The following TMEM117 variants were observed in gnomAD, a reference collection of about 807,000 sequenced individuals.
TMEM117 encodes the protein transmembrane protein 117.
In TMEM117, 27 loss-of-function variants were observed where a neutral mutation model predicts 52.4. The observed-to-expected ratio is 0.51, with a 90% CI of 0.38 to 0.71. The LOEUF (loss-of-function observed/expected upper bound fraction) is 0.71, where lower values mean the gene tolerates loss of function less well. Ranked by LOEUF, TMEM117 falls within the 30% of genes least tolerant of loss-of-function variation. TMEM117 has a pLI of 0.00. For missense variants in TMEM117, 556 were observed against 630.5 expected (o/e 0.88, Z 1.26); for synonymous variants, 215 against 206.3 (o/e 1.04, Z -0.36).
At chr12:44,036,057 G>A (rs371781997) in intron 3 of TMEM117, among the ~76,000 whole-genome samples, 5 of 151,938 alleles carry the variant, frequency 3.3e-5, no homozygotes, top group Admixed American at 1.3e-4. Flanking sequence ...ACAGTTTTGG[G>A]GCACTAATAA....
At chr12:43,800,899 C>T in the TMEM117 span, among the ~76,000 whole-genome samples, 1 of 151,956 alleles carries the variant, frequency 6.6e-6, no homozygotes, top group Non-Finnish European at 1.5e-5. Flanking sequence ...TATAGGTGTG[C>T]GCCACCACAC....
At chr12:44,264,532 A>T (rs1379930030) in intron 5 of TMEM117, among the ~76,000 whole-genome samples, 1 of 152,152 alleles carries the variant, frequency 6.6e-6, no homozygotes, top group Non-Finnish European at 1.5e-5. Flanking sequence ...AAGAATGTTG[A>T]TGGGAAGCTC....
the TMEM117 span, among the ~76,000 whole-genome samples, chr12:43,830,610 C>CA: frequency 8.7e-3 from 826 of 94,590 alleles, 9 homozygotes; most frequent in Admixed American, 0.018. Context: ...ACACTTGTCT[C>CA]AAAAAAAAAA....
At chr12:44,234,098 C>T (rs1174992166) in intron 5 of TMEM117, among the ~76,000 whole-genome samples, 3 of 151,334 alleles carry the variant, frequency 2.0e-5, no homozygotes, top group South Asian at 2.1e-4. Context: ...GTCTCTATCC[C>T]GATTATGCTG....
At chr12:44,274,683 G>C (rs1950490634) in intron 5 of TMEM117, among the ~76,000 whole-genome samples, 1 of 152,024 alleles carries the variant, frequency 6.6e-6, no homozygotes, top group African/African-American at 2.4e-5. Flanking sequence ...TAACAGACGT[G>C]CCAGGAACAT....
chr12:44,272,107 A>T (rs1950453870), intron 5 of TMEM117, among the ~76,000 whole-genome samples: 1 of 152,134 alleles, frequency 6.6e-6, no homozygotes, highest in Admixed American at 6.6e-5. Flanking sequence ...TGTAGAAAAA[A>T]GTGGAACCTT....
intron 3 of TMEM117, among the ~76,000 whole-genome samples, chr12:44,072,011 A>T (rs767782540): frequency 5.3e-5 from 8 of 152,232 alleles, no homozygotes; most frequent in Non-Finnish European, 1.0e-4. Flanking sequence ...ATTGAAATTT[A>T]ATAGCCAGAA....
chr12:44,366,488 C>A (rs916929879), intron 6 of TMEM117, among the ~76,000 whole-genome samples: 7 of 152,020 alleles, frequency 4.6e-5, no homozygotes, highest in Non-Finnish European at 8.8e-5. Context: ...GTATTTTATT[C>A]TTTCCTTCCC....
intron 5 of TMEM117, among the ~76,000 whole-genome samples, chr12:44,284,653 G>A (rs753726611): frequency 6.6e-6 from 1 of 152,180 alleles, no homozygotes; most frequent in Admixed American, 6.5e-5. Flanking sequence ...TAGCATCTCA[G>A]CTTGGTGGAT....
intron 5 of TMEM117, among the ~76,000 whole-genome samples, chr12:44,212,532 T>G (rs1949660378): frequency 6.6e-6 from 1 of 152,094 alleles, no homozygotes; most frequent in Non-Finnish European, 1.5e-5. Flanking sequence ...GAGGTTAACA[T>G]ATCGTATGCT....
At chr12:44,260,095 G>A (rs537600449) in intron 5 of TMEM117, among the ~76,000 whole-genome samples, 6 of 152,284 alleles carry the variant, frequency 3.9e-5, no homozygotes, top group East Asian at 1.9e-4. Flanking sequence ...CGTAGGGACC[G>A]ATGGTACAAG....
At chr12:44,228,147 T>A (rs1035147180) in intron 5 of TMEM117, among the ~76,000 whole-genome samples, 2 of 152,022 alleles carry the variant, frequency 1.3e-5, no homozygotes, top group African/African-American at 4.8e-5. Flanking sequence ...CAGTTTTAAA[T>A]AGAAGCACAA....
intron 3 of TMEM117, among the ~76,000 whole-genome samples, chr12:43,998,297 G>A (rs1312220189): frequency 6.6e-6 from 1 of 152,180 alleles, no homozygotes; most frequent in African/African-American, 2.4e-5. Flanking sequence ...CTCCAGCCAA[G>A]AATATAACTT....
the TMEM117 span, among the ~76,000 whole-genome samples, chr12:43,821,038 T>G: frequency 6.8e-6 from 1 of 147,698 alleles, no homozygotes; most frequent in Non-Finnish European, 1.5e-5. Context: ...GAGCTTGCAG[T>G]GAGTCGAGAT....
intron 3 of TMEM117, among the ~76,000 whole-genome samples, chr12:44,105,980 G>A (rs1480497230): frequency 2.0e-5 from 3 of 152,012 alleles, no homozygotes; most frequent in Non-Finnish European, 4.4e-5. Context: ...GCTCCCTGTG[G>A]AGATTTTAAC....
chr12:43,806,447 GCCCC>G, the TMEM117 span: 1 of 1,065,394 alleles, frequency 9.4e-7, no homozygotes, highest in Non-Finnish European at 1.2e-6. Flanking sequence ...CTGCGGTCCA[GCCCC>G]CGGCCTCGCT....
At chr12:44,228,537 ATAATGG>A (rs1949892328) in intron 5 of TMEM117, among the ~76,000 whole-genome samples, 1 of 152,160 alleles carries the variant, frequency 6.6e-6, no homozygotes. Flanking sequence ...AATAAATCCC[ATAATGG>A]CATATGTCAT....
chr12:44,395,617 C>T, the TMEM117 span, among the ~76,000 whole-genome samples: 9 of 152,184 alleles, frequency 5.9e-5, no homozygotes, highest in Non-Finnish European at 1.0e-4. Context: ...CTCATATGGC[C>T]ACTGAACTGG....
chr12:43,969,259 G>A (rs996122039), intron 3 of TMEM117, among the ~76,000 whole-genome samples: 3 of 150,342 alleles, frequency 2.0e-5, no homozygotes, highest in African/African-American at 4.9e-5. Context: ...GGTGGCTCAT[G>A]CCTGTAATCC....
Sources: gnomAD v4.1 joint callset for allele counts (sites outside exome capture counted in the v4.1 genomes callset) on GRCh38, gnomAD v4.1.1 for gene constraint, MANE v1.5 for transcripts, NCBI Gene and HGNC (gene_info 2026-07-23, HGNC 2026-07-21) for gene names.